ZNF469: variants seen among roughly 807,000 people sequenced by gnomAD.
The protein encoded by ZNF469 is zinc finger protein 469.
A neutral mutation model predicts 1.0 loss-of-function variants in ZNF469; 1 was observed. The observed-to-expected ratio is 1.00, with a 90% CI of 0.35 to 4.73. The LOEUF is 4.73. Ranked by LOEUF, ZNF469 falls within the 30% of genes most tolerant of loss-of-function variation. The probability of loss-of-function intolerance (pLI) is 0.16; values close to 1 mark genes in which losing one functional copy is unlikely to be tolerated. For synonymous variants in ZNF469, 2,703 were observed against 2,363.4 expected, an observed-to-expected ratio of 1.14 and a Z score of -4.17; for missense variants, 6,100 against 5,356.3, an observed-to-expected ratio of 1.14 and a Z score of -4.33.
Position 88,433,379 on chromosome 16 carries a change from T to G in ZNF469, c.5909T>G (p.Val1970Gly). 6.5e-7 allele frequency: 1 copy of G among 1,550,258 alleles called. No individual in the cohort carries two copies. Among genetic ancestry groups the G allele is most frequent in the Non-Finnish European group, 8.7e-7 (1 of 1,146,940 alleles). ...GGVQVTTLPA[V>G]AGHQLGLEAD... ...GTGCAGGTGACAACTCTCCCTGCAG[T>G]GGCCGGACATCAGCTGGGGCTGGAG... Residue 1970 changes from valine (V) to glycine (G), a missense_variant, in exon 3 of 3, where the codon GTG (valine) becomes GGG (glycine). By Grantham distance (109) the Val-to-Gly change is moderately radical. Coordinates refer to ENST00000565624, the MANE Select transcript of ZNF469 (RefSeq NM_001367624.2).
the ZNF469 span, among the ~76,000 whole-genome samples, chr16:88,205,122 C>T: frequency 6.6e-6 from 1 of 152,200 alleles, no homozygotes; most frequent in Non-Finnish European, 1.5e-5. This position sits in a 1 kb window ranked among gnomAD's most constrained non-coding sequence, Gnocchi z 4.2. Flanking sequence ...CAATATTTCA[C>T]TGCAGATGTT....
At chr16:88,340,012 T>C in the ZNF469 span, among the ~76,000 whole-genome samples, 347 of 152,130 alleles carry the variant, frequency 2.3e-3, 3 homozygotes, top group African/African-American at 8.0e-3. Context: ...CTTCTGAGCA[T>C]GCAGGGGACA....
chr16:88,260,722 A>G, the ZNF469 span, among the ~76,000 whole-genome samples: 3 of 152,302 alleles, frequency 2.0e-5, no homozygotes, highest in East Asian at 5.8e-4. The surrounding 1 kb of genome is among the most constrained non-coding windows in gnomAD (Gnocchi z 4.1). Context: ...CCCCAGAGAT[A>G]TCAGATCCTA....
chr16:88,371,231 CT>C, the ZNF469 span, among the ~76,000 whole-genome samples: 2 of 152,264 alleles, frequency 1.3e-5, no homozygotes, highest in Non-Finnish European at 2.9e-5. Context: ...AGCCTGATCT[CT>C]TCTGAGACAG....
At chr16:88,201,230 G>A in the ZNF469 span, among the ~76,000 whole-genome samples, 1 of 152,242 alleles carries the variant, frequency 6.6e-6, no homozygotes, top group Non-Finnish European at 1.5e-5. The surrounding 1 kb of genome is among the most constrained non-coding windows in gnomAD (Gnocchi z 5.0). Flanking sequence ...TCTGCATTGT[G>A]TCTTCTTTTT....
At chr16:88,409,891 G>T (rs1905103532) in intron 1 of ZNF469, among the ~76,000 whole-genome samples, 1 of 139,724 alleles carries the variant, frequency 7.2e-6, no homozygotes, top group African/African-American at 2.8e-5. Context: ...GGGGCGCGGG[G>T]CGTTCCAGGG....
chr16:88,362,986 T>C, the ZNF469 span, among the ~76,000 whole-genome samples: 1 of 152,240 alleles, frequency 6.6e-6, no homozygotes, highest in Admixed American at 6.5e-5. Context: ...TCCATTCTAC[T>C]GTAGAGCCCA....
the ZNF469 span, among the ~76,000 whole-genome samples, chr16:88,188,136 C>T: frequency 7.9e-5 from 12 of 152,216 alleles, 1 homozygote; most frequent in East Asian, 1.2e-3. Context: ...CTGCCCGTGC[C>T]GTGACCCCTG....
At chr16:88,290,543 T>A in the ZNF469 span, among the ~76,000 whole-genome samples, 3 of 152,348 alleles carry the variant, frequency 2.0e-5, no homozygotes, top group Admixed American at 2.0e-4. Flanking sequence ...GAAAGTTCTA[T>A]CTGAGGCTCT....
chr16:88,108,179 A>G, the ZNF469 span, among the ~76,000 whole-genome samples: 1 of 139,830 alleles, frequency 7.2e-6, no homozygotes, highest in African/African-American at 2.9e-5. Context: ...GGATGTGGGG[A>G]TGGAGGTGCA....
Position 88,435,877 on chromosome 16 carries a change from C to T in ZNF469, c.8407C>T (p.Pro2803Ser). ...GCCCCCCTTGGGCCCCCTGGGTTTT[C>T]CCGAGACTTCCAGCTCTCCGGCGGA... ...NTPPLGPLGF[P>S]ETSSSPADST... The change falls in exon 3 of 3, where the codon CCC becomes TCC. Residue 2803 changes from proline (P) to serine (S), a missense_variant. Transcript: ENST00000565624. 6.5e-7 allele frequency: 1 copy of T among 1,550,206 alleles called. No homozygotes were observed. Among genetic ancestry groups the T allele is most frequent in the Non-Finnish European group, 8.7e-7 (1 of 1,146,954 alleles).
chr16:88,167,143 C>A, the ZNF469 span, among the ~76,000 whole-genome samples: 3 of 145,136 alleles, frequency 2.1e-5, no homozygotes, highest in Admixed American at 1.4e-4. Flanking sequence ...CTCACTGTAA[C>A]CTCCGCCTCC....
Position 88,428,145 on chromosome 16 carries a change from C to T in ZNF469, c.675C>T (p.Pro225=), listed in dbSNP as rs779765231. The change falls in exon 3 of 3, where the codon CCC becomes CCT. Residue 225 remains proline (P), a synonymous_variant. Coordinates refer to ENST00000565624, the MANE Select transcript of ZNF469 (RefSeq NM_001367624.2). ...GCCCCCTCCAGCCCGGTTCCTATCC[C>T]GAATACCAGGCCAGTGGGGCCGACT... ...GTSPLQPGSY[P]EYQASGADSW... The T allele has an allele frequency of 9.7e-6, 15 of 1,550,170 alleles. No homozygotes were observed. The highest frequency in any genetic ancestry group is 2.4e-5 in the East Asian group (1 of 40,898).
chr16:88,394,039 G>A (rs1904577129), intron 1 of ZNF469, among the ~76,000 whole-genome samples: 1 of 152,030 alleles, frequency 6.6e-6, no homozygotes, highest in Non-Finnish European at 1.5e-5. Context: ...TGTCCAAGAG[G>A]AGCAGGGTTT....
At chr16:88,132,537 C>T in the ZNF469 span, among the ~76,000 whole-genome samples, 1 of 152,270 alleles carries the variant, frequency 6.6e-6, no homozygotes, top group African/African-American at 2.4e-5. Context: ...TCTGAACTCA[C>T]ACAACCCGGG....
chr16:88,392,501 C>T lies in ZNF469; in HGVS notation c.-192+9247C>T, dbSNP rs191360606. ...GAGAGTTCGTTCCTTAAAATAGGGT[C>T]GGTGGGCCTGGATCAGACCCCCTCG... On this transcript the variant is annotated intron_variant, in intron 1 of 2. Transcript: ENST00000565624. 3.4e-3 allele frequency among the ~76,000 whole-genome samples: 514 copies of T among 152,350 alleles called. 3 individuals carry two copies. Among genetic ancestry groups the T allele is most frequent in the South Asian group, 0.014 (66 of 4,828 alleles).
chr16:88,409,512 G>C (rs1233087183), intron 1 of ZNF469, among the ~76,000 whole-genome samples: 2 of 152,196 alleles, frequency 1.3e-5, no homozygotes, highest in African/African-American at 4.8e-5. Context: ...GCTCAGGGCA[G>C]CAGCCGGGAG....
chr16:88,176,272 T>C, the ZNF469 span, among the ~76,000 whole-genome samples: 1 of 150,018 alleles, frequency 6.7e-6, no homozygotes, highest in East Asian at 2.0e-4. Flanking sequence ...CTCTCCACCC[T>C]GGGATGCTTT....
the ZNF469 span, among the ~76,000 whole-genome samples, chr16:88,161,475 C>T: frequency 6.6e-6 from 1 of 152,200 alleles, no homozygotes; most frequent in African/African-American, 2.4e-5. Flanking sequence ...AGAAAACTGA[C>T]ACTGAATGAA....
Sources: gnomAD v4.1 joint callset for allele counts (sites outside exome capture counted in the v4.1 genomes callset) on GRCh38, gnomAD v4.1.1 for gene constraint, Gnocchi (gnomAD v3.1) non-coding constraint, MANE v1.5 for transcripts, NCBI Gene and HGNC (gene_info 2026-07-23, HGNC 2026-07-21) for gene names.